Variants in FANCC observed in about 807,000 individuals in gnomAD.
FANCC encodes Fanconi anemia group C protein.
Under a neutral mutation model 71.3 loss-of-function variants are expected in FANCC, and 55 were observed. That is an observed-to-expected ratio of 0.77 (90% CI 0.62 to 0.97). The LOEUF (loss-of-function observed/expected upper bound fraction) is 0.97. Ranked by LOEUF, FANCC falls within the 50% of genes least tolerant of loss-of-function variation. FANCC has a pLI of 0.00. For missense variants in FANCC, 678 were observed against 670.9 expected (o/e 1.01, Z -0.12); for synonymous variants, 275 against 244.9 (o/e 1.12, Z -1.15).
intron 1 of FANCC, among the ~76,000 whole-genome samples, chr9:95,273,934 G>A (rs1832886140): frequency 6.6e-6 from 1 of 152,304 alleles, no homozygotes; most frequent in South Asian, 2.1e-4. Flanking sequence ...AGCTCTTTTA[G>A]TTAAGGCTAC....
At chr9:95,313,468 C>A (rs1419312503) in intron 1 of FANCC, among the ~76,000 whole-genome samples, 4 of 152,188 alleles carry the variant, frequency 2.6e-5, no homozygotes, top group African/African-American at 9.7e-5. Flanking sequence ...CGCTGGAGAA[C>A]CTGAATTTGT....
chr9:95,210,525 C>CACACAT (rs1044595050), intron 4 of FANCC, among the ~76,000 whole-genome samples: 3 of 152,154 alleles, frequency 2.0e-5, no homozygotes, highest in East Asian at 1.9e-4. Flanking sequence ...GCTTTACACA[C>CACACAT]ACACATACAC....
chr9:95,201,680 G>A (rs746666372), intron 4 of FANCC, among the ~76,000 whole-genome samples: 3 of 152,158 alleles, frequency 2.0e-5, no homozygotes, highest in Admixed American at 1.3e-4. Context: ...CACCACACAA[G>A]AACTACAATT....
In FANCC at chr9:95,249,181, G is replaced by C. The variant is rs751219956; in HGVS notation, c.111C>G (p.His37Gln). The C allele has an allele frequency of 4.3e-6, 7 of 1,614,078 alleles. No individual in the cohort carries two copies. The South Asian group carries it at 7.7e-5, about 18-fold the overall frequency. Residue 37 changes from histidine (H) to glutamine (Q), a missense_variant, in exon 2 of 15, where the codon CAC (histidine) becomes CAG (glutamine). Transcript: ENST00000289081. Reference protein sequence around the residue: ...TLETQQDTCLHVAQFQEFLRK... With the variant: ...TLETQQDTCLQVAQFQEFLRK... Reference sequence around the variant, plus strand: ...TTAGGAACTCCTGGAACTGAGCCACGTGAAGACAGGTGTCTTGCTGGGTTT... The same window carrying C: ...TTAGGAACTCCTGGAACTGAGCCACCTGAAGACAGGTGTCTTGCTGGGTTT...
At chr9:95,168,048 T>C (rs773927426) in intron 6 of FANCC, among the ~76,000 whole-genome samples, 2 of 152,226 alleles carry the variant, frequency 1.3e-5, no homozygotes, top group East Asian at 1.9e-4. Flanking sequence ...TCTGGGCTTA[T>C]GCGTGTGATT....
intron 1 of FANCC, among the ~76,000 whole-genome samples, chr9:95,279,553 G>T (rs1833251846): frequency 6.6e-6 from 1 of 150,986 alleles, no homozygotes; most frequent in African/African-American, 2.4e-5. Context: ...GTAATAAAAG[G>T]AGAAACAGAG....
intron 8 of FANCC, among the ~76,000 whole-genome samples, chr9:95,131,796 C>G (rs544527796): frequency 6.6e-6 from 1 of 152,222 alleles, no homozygotes; most frequent in African/African-American, 2.4e-5. Flanking sequence ...AGAGTGAACT[C>G]TTCAGCACAA....
At chr9:95,103,000 A>G (rs1481339427) in intron 14 of FANCC, among the ~76,000 whole-genome samples, 1 of 152,164 alleles carries the variant, frequency 6.6e-6, no homozygotes, top group African/African-American at 2.4e-5. Context: ...CTGTATTGCT[A>G]TCACTTGGTT....
chr9:95,311,260 G>T (rs1835385523), intron 1 of FANCC, among the ~76,000 whole-genome samples: 1 of 149,562 alleles, frequency 6.7e-6, no homozygotes, highest in Admixed American at 6.7e-5. Flanking sequence ...AAAAAATCAG[G>T]AGTTAATAAG....
chr9:95,282,005 A>G (rs902922558), intron 1 of FANCC, among the ~76,000 whole-genome samples: 9 of 151,980 alleles, frequency 5.9e-5, no homozygotes, highest in Admixed American at 5.2e-4. Context: ...AGAATCTACA[A>G]AACTAGAAAA....
chr9:95,275,750 G>A (rs1324589385), intron 1 of FANCC, among the ~76,000 whole-genome samples: 1 of 152,088 alleles, frequency 6.6e-6, no homozygotes, highest in Non-Finnish European at 1.5e-5. Context: ...CTAGCTAGGT[G>A]GTGCATGCCT....
intron 4 of FANCC, among the ~76,000 whole-genome samples, chr9:95,176,149 T>C (rs1027713054): frequency 6.6e-6 from 1 of 152,154 alleles, no homozygotes; most frequent in African/African-American, 2.4e-5. Flanking sequence ...TGAATCTGGG[T>C]TAAAGAGGAG....
At chr9:95,106,084 G>A (rs1048908916) in intron 14 of FANCC, among the ~76,000 whole-genome samples, 7 of 152,150 alleles carry the variant, frequency 4.6e-5, no homozygotes, top group Non-Finnish European at 7.4e-5. Flanking sequence ...TGTCCCCACC[G>A]GGAAGCATAT....
chr9:95,193,228 T>C (rs572521135), intron 4 of FANCC, among the ~76,000 whole-genome samples: 4 of 152,300 alleles, frequency 2.6e-5, no homozygotes, highest in Admixed American at 2.6e-4. Flanking sequence ...AAGGGGGCGC[T>C]ACTCCAAAGA....
chr9:95,301,481 G>A (rs1405972359), intron 1 of FANCC, among the ~76,000 whole-genome samples: 1 of 151,912 alleles, frequency 6.6e-6, no homozygotes, highest in African/African-American at 2.4e-5. Flanking sequence ...AGGCTGGAGT[G>A]CAGTGGCATG....
At chr9:95,226,992 G>T (rs1188306462) in intron 4 of FANCC, among the ~76,000 whole-genome samples, 1 of 152,112 alleles carries the variant, frequency 6.6e-6, no homozygotes, top group Non-Finnish European at 1.5e-5. Flanking sequence ...CGGTTCTGTG[G>T]AGACTGCAGT....
chr9:95,263,518 CTA>C (rs1005638700), intron 1 of FANCC, among the ~76,000 whole-genome samples: 9 of 140,376 alleles, frequency 6.4e-5, no homozygotes, highest in Admixed American at 2.9e-4. Flanking sequence ...ATATATATAT[CTA>C]TATATATATA....
At chr9:95,238,909 A>G (rs1347185947) in intron 4 of FANCC, among the ~76,000 whole-genome samples, 2 of 152,180 alleles carry the variant, frequency 1.3e-5, no homozygotes, top group Non-Finnish European at 2.9e-5. Flanking sequence ...TCATCAAGAT[A>G]AAAACCTTCT....
chr9:95,252,906 T>A (rs530261593), intron 1 of FANCC, among the ~76,000 whole-genome samples: 25 of 151,032 alleles, frequency 1.7e-4, no homozygotes, highest in Admixed American at 1.1e-3. Flanking sequence ...TTTTTTTTTT[T>A]AATTAGCCAT....
Sources: gnomAD v4.1 joint callset for allele counts (sites outside exome capture counted in the v4.1 genomes callset) on GRCh38, gnomAD v4.1.1 for gene constraint, MANE v1.5 for transcripts, NCBI Gene and HGNC (gene_info 2026-07-23, HGNC 2026-07-21) for gene names.